The following PXDN variants were observed in gnomAD, a reference collection of about 807,000 sequenced individuals.
PXDN encodes peroxidasin.
A neutral mutation model predicts 140.3 loss-of-function variants in PXDN; 77 were observed. The ratio of observed to expected loss-of-function variants is 0.55; its 90% CI spans 0.46 to 0.66. PXDN has a LOEUF of 0.66. PXDN is among the 30% of genes least tolerant of loss of function. PXDN has a pLI of 0.00. For missense variants in PXDN, 1,838 were observed against 2,039.5 expected (o/e 0.90, Z 1.90); for synonymous variants, 911 against 857.4 (o/e 1.06, Z -1.09).
At chr2:1,675,296 C>T (rs1021977836) in intron 8 of PXDN, among the ~76,000 whole-genome samples, 3 of 152,174 alleles carry the variant, frequency 2.0e-5, no homozygotes, top group Non-Finnish European at 4.4e-5. Flanking sequence ...GTCACCAGGC[C>T]TCAGGGCTTT....
At chr2:1,721,618 C>G (rs1374378638) in intron 1 of PXDN, among the ~76,000 whole-genome samples, 1 of 152,138 alleles carries the variant, frequency 6.6e-6, no homozygotes, top group Non-Finnish European at 1.5e-5. Flanking sequence ...GGGCGGATCA[C>G]GAGGTCAGGA....
At chr2:1,642,093 C>A (rs1682740328) in intron 19 of PXDN, among the ~76,000 whole-genome samples, 1 of 152,230 alleles carries the variant, frequency 6.6e-6, no homozygotes, top group South Asian at 2.1e-4. Flanking sequence ...GGGTACCTAG[C>A]AAGCATAATT....
intron 1 of PXDN, among the ~76,000 whole-genome samples, chr2:1,737,976 G>A (rs1202634675): frequency 6.6e-6 from 1 of 152,186 alleles, no homozygotes; most frequent in Non-Finnish European, 1.5e-5. Context: ...TAACATATGT[G>A]TGCTAAGTCA....
chr2:1,687,587 C>T lies in PXDN; in HGVS notation c.416+45G>A, dbSNP rs774486270. 1 of 1,411,398 alleles carries T rather than the reference C, an allele frequency of 7.1e-7. No homozygotes were observed. Among genetic ancestry groups the T allele is most frequent in the Non-Finnish European group, 9.8e-7 (1 of 1,024,004 alleles). The allele number at this position is 1,411,398 out of a possible 1,614,324, so 87.4% of individuals were successfully genotyped here. ...CTGGTCCCTACAAGAGGAAAACAGC[C>T]AGACGGCATCCAAGAACTAAAGCAC... On this transcript the variant is annotated intron_variant, in intron 4 of 22. Coordinates refer to ENST00000252804, the MANE Select transcript of PXDN (RefSeq NM_012293.3). This position sits in a 1 kb window ranked among gnomAD's most constrained non-coding sequence, Gnocchi z 4.0.
chr2:1,716,440 GAAAAAAAAAAAAAAAAAA>G (rs550784477), intron 1 of PXDN, among the ~76,000 whole-genome samples: 1 of 58,228 alleles, frequency 1.7e-5, no homozygotes, highest in African/African-American at 5.9e-5. Flanking sequence ...TCCATCTCAG[GAAAAAAAAAAAAAAAAAA>G]AAAAAAAAAA....
chr2:1,720,205 T>G (rs1001507992), intron 1 of PXDN, among the ~76,000 whole-genome samples: 4 of 3,836 alleles, frequency 1.0e-3, no homozygotes, highest in Non-Finnish European at 8.5e-4. Context: ...GAGGGAGGGA[T>G]GCAGAGAGAG....
Position 1,639,337 on chromosome 2 carries a change from C to T in PXDN, c.4038G>A (p.Lys1346=). 6.2e-7 allele frequency: 1 copy of T among 1,613,998 alleles called. No homozygotes were observed. Among genetic ancestry groups the T allele is most frequent in the Admixed American group, 1.7e-5 (1 of 60,028 alleles). ...TCCGTGGTCTTGTTTTCTTGGTCGG[C>T]TTGTCCTCCTGGTAGCTGAACTCAA... ...RSLEFSYQED[K]PTKKTRPRKI... is the part of the protein sequence containing the mutation. The change falls in exon 20 of 23, where the codon AAG becomes AAA. Residue 1346 remains lysine, a synonymous_variant. Coordinates refer to ENST00000252804, the MANE Select transcript of PXDN (RefSeq NM_012293.3). This position sits in a 1 kb window ranked among gnomAD's most constrained non-coding sequence, Gnocchi z 5.0.
chr2:1,666,421 C>A lies in PXDN; in HGVS notation c.1084G>T (p.Glu362Ter), dbSNP rs2125428411. The change falls in exon 10 of 23, where the codon GAG (glutamate) becomes TAG (stop). Residue 362 changes from glutamate (E) to a stop codon, truncating the protein, a stop_gained. Transcript: ENST00000252804. LOFTEE classifies it high-confidence loss of function. ...GGGGGGTGGCCTGTGGCGCTGCACTCCAGCGTGACGCTCTCCCCAACCAGC... is the reference window on the plus strand; with the variant it reads ...GGGGGGTGGCCTGTGGCGCTGCACTACAGCGTGACGCTCTCCCCAACCAGC... ...EVLVGESVTLECSATGHPPPR... is the reference protein window; with the variant it reads ...EVLVGESVTL 6.2e-7 allele frequency: 1 copy of A among 1,613,640 alleles called. No homozygotes were observed. Among genetic ancestry groups the A allele is most frequent in the Non-Finnish European group, 8.5e-7 (1 of 1,179,766 alleles).
chr2:1,662,254 C>T (rs1683323407), intron 12 of PXDN, 70 bp from the exon 13 acceptor site: 2 of 1,313,974 alleles, frequency 1.5e-6, no homozygotes, highest in East Asian at 2.5e-5. Context: ...AGAACAAAAT[C>T]CCCTGCCCTC....
At chr2:1,682,862 C>A (rs755606866) in intron 6 of PXDN, among the ~76,000 whole-genome samples, 4 of 152,058 alleles carry the variant, frequency 2.6e-5, no homozygotes, top group Non-Finnish European at 4.4e-5. Context: ...ATTGCTTGAA[C>A]CTGGGAGGCA....
At chr2:1,729,455 G>T (rs1685263057) in intron 1 of PXDN, among the ~76,000 whole-genome samples, 1 of 151,998 alleles carries the variant, frequency 6.6e-6, no homozygotes, top group Admixed American at 6.6e-5. Context: ...CCATCCGCAG[G>T]ATAATATGAA....
intron 14 of PXDN, among the ~76,000 whole-genome samples, chr2:1,658,027 GCTCTCTCTCTCTCTCTCT>G (rs1156959508): frequency 2.0e-3 from 10 of 4,894 alleles, no homozygotes; most frequent in Non-Finnish European, 4.6e-3. Context: ...TCAGCTGTGG[GCTCTCTCTCTCTCTCTCT>G]CTCTCTCTCT....
rs1354404318 is a variant in PXDN at position 1,673,732 on chromosome 2, G to A, written c.929C>T (p.Thr310Ile). ...GTLMIQNTQE[T>I]DQGIYQCMAK... ...CATGCACTGGTAGATACCCTGGTCT[G>A]TCTCCTGTGTGTTCTGGATCATCAG... Residue 310 changes from threonine (T) to isoleucine (I), a missense_variant, in exon 9 of 23, where the codon ACA (threonine) becomes ATA (isoleucine). Physicochemically the swap from Thr to Ile is moderately conservative, Grantham distance 89 (BLOSUM62 -1). Coordinates refer to ENST00000252804, the MANE Select transcript of PXDN (RefSeq NM_012293.3). 1.2e-6 allele frequency: 2 copies of A among 1,614,008 alleles called. No individual in the cohort carries two copies. The highest frequency in any genetic ancestry group is 1.7e-6 in the Non-Finnish European group (2 of 1,179,888).
intron 10 of PXDN, 48 bp from the exon 11 acceptor site, chr2:1,665,122 G>C (rs370428928): frequency 7.2e-7 from 1 of 1,383,374 alleles, no homozygotes; most frequent in Admixed American, 1.9e-5. Flanking sequence ...AAACAGCCTG[G>C]GGTAAAAACG....
intron 1 of PXDN, among the ~76,000 whole-genome samples, chr2:1,711,082 CAGCACCCACTCTCCACT>C (rs1684761060): frequency 1.5e-5 from 1 of 68,334 alleles, no homozygotes; most frequent in Non-Finnish European, 3.0e-5. Context: ...CACTCTCCAC[CAGCACCCACTCTCCACT>C]AGCACCCACT....
At position 1,649,217 on chromosome 2, in the gene PXDN, G is replaced by A. The variant is rs936316184; in HGVS notation, c.2563C>T (p.Pro855Ser). 1.9e-6 allele frequency: 3 copies of A among 1,594,290 alleles called. No homozygotes were observed. Among genetic ancestry groups the A allele is most frequent in the African/African-American group, 1.3e-5 (1 of 74,362 alleles). ...QHCSNVCSND[P>S]PCFSVMIPPN... is the part of the protein sequence containing the mutation. Reference sequence around the variant, plus strand: ...GGGATCATGACAGAGAAGCAGGGGGGGTCGTTGCTGCACACGTTGCTGCAG... The same window carrying A: ...GGGATCATGACAGAGAAGCAGGGGGAGTCGTTGCTGCACACGTTGCTGCAG... The change falls in exon 17 of 23, where the codon CCC (proline) becomes TCC (serine). Residue 855 changes from proline to serine, a missense_variant. By Grantham distance (74) the Pro-to-Ser change is moderately conservative (BLOSUM62 -1). Around this residue, in one of 5 missense-constraint regions of PXDN, gnomAD observed 850 missense variants for 894.1 expected, o/e 0.95. Coordinates refer to ENST00000252804, the MANE Select transcript of PXDN (RefSeq NM_012293.3). The surrounding 1 kb of genome is among the most constrained non-coding windows in gnomAD (Gnocchi z 7.1).
In PXDN at chr2:1,646,304, C is replaced by T. The variant is rs1044135324; in HGVS notation, c.3609-1552G>A. 1.3e-4 allele frequency: 20 copies of T among 152,322 alleles called. 1 individual carries two copies. The highest frequency in any genetic ancestry group is 3.4e-3 in the Middle Eastern group (1 of 294). The allele number at this position is 152,322 out of a possible 1,614,324, so 9.4% of individuals were successfully genotyped here. ...CCAGGGACCTAGCATGCAACACAGC[C>T]GCGGTCCACCTGGCGCTGGGCTCCA... On this transcript the variant is annotated intron_variant, in intron 17 of 22. Coordinates refer to ENST00000252804, the MANE Select transcript of PXDN (RefSeq NM_012293.3).
At chr2:1,673,906 G>T in intron 8 of PXDN, 94 bp from the exon 9 acceptor site, 1 of 1,391,512 alleles carries the variant, frequency 7.2e-7, no homozygotes. Context: ...CCTGCAGCAG[G>T]CACAACTTGT....
chr2:1,675,747 C>T (rs1162192428), intron 8 of PXDN, among the ~76,000 whole-genome samples: 2 of 148,806 alleles, frequency 1.3e-5, no homozygotes, highest in African/African-American at 2.5e-5. Context: ...CCCGGTTTGC[C>T]TCTGGAGTCT....
Sources: allele counts gnomAD v4.1 joint callset (sites outside exome capture counted in the v4.1 genomes callset), GRCh38; gene constraint gnomAD v4.1.1; regional missense constraint gnomAD v4.1.1; non-coding constraint Gnocchi (gnomAD v3.1); transcripts MANE v1.5; gene names NCBI Gene and HGNC (gene_info 2026-07-23, HGNC 2026-07-21).